Variants in ZNF222 observed in about 807,000 individuals in gnomAD.
ZNF222 encodes zinc finger protein 222.
A neutral mutation model predicts 11.6 loss-of-function variants in ZNF222; 8 were observed. The ratio of observed to expected loss-of-function variants is 0.69; its 90% CI spans 0.41 to 1.25. ZNF222 has a LOEUF of 1.25. ZNF222 is among the 50% of genes most tolerant of loss of function. ZNF222 has a pLI of 0.01. For synonymous variants in ZNF222, 171 were observed against 195.6 expected (o/e 0.87, Z 1.05); for missense variants, 483 against 576.1 (o/e 0.84, Z 1.65).
rs764447850 is a variant in ZNF222 at position 44,032,339 on chromosome 19, T to G, written c.785T>G (p.Leu262Ter). Residue 262 changes from leucine (L) to a stop codon, truncating the protein, a stop_gained, in exon 4 of 4, where the codon TTA becomes TGA. Coordinates refer to ENST00000391960, the MANE Select transcript of ZNF222 (RefSeq NM_001129996.2). LOFTEE classifies it low-confidence loss of function (END_TRUNC). Reference protein sequence around the residue: ...CRSALKVHCKLHMREKPYNCE... With the variant: ...CRSALKVHCK ...TCAGCACTTAAAGTTCATTGCAAAT[T>G]ACACATGAGAGAGAAACCTTATAAT... The G allele has an allele frequency of 6.2e-7, 1 of 1,614,066 alleles. No homozygotes were observed. Among genetic ancestry groups the G allele is most frequent in the Non-Finnish European group, 8.5e-7 (1 of 1,180,010 alleles).
intron 3 of ZNF222, 42 bp from the exon 4 acceptor site, chr19:44,031,775 C>T: frequency 6.3e-7 from 1 of 1,585,938 alleles, no homozygotes; most frequent in Non-Finnish European, 8.6e-7. Flanking sequence ...GCCACCGTGC[C>T]TGGCCTACTT....
Position 44,032,268 on chromosome 19 carries a change from G to T in ZNF222, c.714G>T (p.Glu238Asp). 1 of 1,613,930 alleles carries T rather than the reference G, an allele frequency of 6.2e-7. No individual in the cohort carries two copies. The highest frequency in any genetic ancestry group is 8.5e-7 in the Non-Finnish European group (1 of 1,179,972). ...CTCATCAAAGAGTCCACACTGGAGA[G>T]AAACCATTCAAATGTGAGCAGTGTG... ...LQTHQRVHTG[E>D]KPFKCEQCGK... The change falls in exon 4 of 4, where the codon GAG (glutamate) becomes GAT (aspartate). Residue 238 changes from glutamate to aspartate, a missense_variant. Coordinates refer to ENST00000391960, the MANE Select transcript of ZNF222 (RefSeq NM_001129996.2).
intron 1 of ZNF222, among the ~76,000 whole-genome samples, chr19:44,026,760 A>G (rs188144446): frequency 3.4e-4 from 52 of 152,216 alleles, no homozygotes; most frequent in Admixed American, 2.4e-3. Context: ...GGAGTTAGAG[A>G]TAGCATCTCA....
intron 3 of ZNF222, among the ~76,000 whole-genome samples, chr19:44,029,943 T>G (rs908549247): frequency 6.6e-6 from 1 of 151,548 alleles, no homozygotes; most frequent in Admixed American, 6.6e-5. Context: ...TAGTAAGCAA[T>G]TCATGTAATG....
rs1217916822 is a variant in ZNF222, at chr19:44,027,452, G to A, written c.224G>A (p.Trp75Ter). 32 of 1,613,944 alleles carry A rather than the reference G, an allele frequency of 2.0e-5. No individual in the cohort carries two copies. The highest frequency in any genetic ancestry group is 2.7e-5 in the Non-Finnish European group (32 of 1,179,992). Residue 75 changes from tryptophan to a stop codon, truncating the protein, a stop_gained, in exon 3 of 4, where the codon TGG becomes TAG. Coordinates refer to ENST00000391960, the MANE Select transcript of ZNF222 (RefSeq NM_001129996.2). LOFTEE classifies it low-confidence loss of function (END_TRUNC). ...TFHFLREEKF[W>*]VMGTTSQREG... is the part of the protein sequence containing the mutation. Reference sequence around the variant, plus strand: ...CACTTCCTAAGGGAAGAAAAGTTTTGGGTGATGGGGACAACAAGCCAAAGA... The same window carrying A: ...CACTTCCTAAGGGAAGAAAAGTTTTAGGTGATGGGGACAACAAGCCAAAGA...
intron 3 of ZNF222, among the ~76,000 whole-genome samples, chr19:44,029,504 A>G (rs1408408598): frequency 6.6e-6 from 1 of 152,188 alleles, no homozygotes; most frequent in Non-Finnish European, 1.5e-5. Context: ...TTTAATTGTC[A>G]AAAATGTGAA....
chr19:44,028,635 A>G (rs576840462), intron 3 of ZNF222, among the ~76,000 whole-genome samples: 1 of 152,224 alleles, frequency 6.6e-6, no homozygotes, highest in African/African-American at 2.4e-5. Flanking sequence ...TTGCAATGTA[A>G]TCTCTTGAAG....
intron 3 of ZNF222, among the ~76,000 whole-genome samples, chr19:44,029,851 G>A (rs1350168392): frequency 6.6e-6 from 1 of 152,212 alleles, no homozygotes; most frequent in African/African-American, 2.4e-5. Flanking sequence ...CATTTTGTGA[G>A]CATTAGCCAT....
At chr19:44,031,617 G>GGATT (rs1976501377) in intron 3 of ZNF222, among the ~76,000 whole-genome samples, 200 bp from the exon 4 acceptor site, 1 of 151,984 alleles carries the variant, frequency 6.6e-6, no homozygotes. Context: ...TGAGTAGTTG[G>GGATT]GATTACAGGT....
chr19:44,032,361 T>A lies in ZNF222; in HGVS notation c.807T>A (p.Tyr269Ter). ...HCKLHMREKP[Y>*]NCEKCGKAFM... ...AATTACACATGAGAGAGAAACCTTA[T>A]AATTGTGAGAAATGTGGGAAGGCTT... is the stretch of plus-strand genomic sequence containing the variant. Residue 269 changes from tyrosine (Y) to a stop codon, truncating the protein, a stop_gained, in exon 4 of 4, where the codon TAT becomes TAA. Coordinates refer to ENST00000391960, the MANE Select transcript of ZNF222 (RefSeq NM_001129996.2). LOFTEE classifies it low-confidence loss of function (END_TRUNC). 2 of 1,614,218 alleles carry A rather than the reference T, an allele frequency of 1.2e-6. No individual in the cohort carries two copies. Among genetic ancestry groups the A allele is most frequent in the Non-Finnish European group, 1.7e-6 (2 of 1,180,032 alleles).
rs1491128087 is a variant in ZNF222 at position 44,026,556 on chromosome 19, A to ATATAT, written c.43-466_43-465insATATT. ...TCTCTCTCTCTCTATATATATATAT[A>ATATAT]TTTTTTTTTTTACAGAGTTTCGCTC... On this transcript the variant is annotated intron_variant, in intron 1 of 3. Transcript: ENST00000391960. Among the ~76,000 whole-genome samples, 1,009 of 101,850 alleles carry ATATAT rather than the reference A, an allele frequency of 9.9e-3. 10 individuals carry two copies. The highest frequency in any genetic ancestry group is 0.034 in the African/African-American group (967 of 28,668). 66.8% of individuals were successfully genotyped at this position (101,850 alleles called of 152,430 possible).
rs1037975269 is a variant in ZNF222, at chr19:44,025,803, G to T, written c.42+325G>T. On this transcript the variant is annotated intron_variant, in intron 1 of 3. Coordinates refer to ENST00000391960, the MANE Select transcript of ZNF222 (RefSeq NM_001129996.2). The surrounding 1 kb of genome is among the most constrained non-coding windows in gnomAD (Gnocchi z 4.6). ...GCCTTAAAAGCAGTCCCTGTCACTC[G>T]GTGTCTGGTGGTCTCTTGTTAATTT... 1.3e-5 allele frequency among the ~76,000 whole-genome samples: 2 copies of T among 152,170 alleles called. No individual in the cohort carries two copies. Among genetic ancestry groups the T allele is most frequent in the Non-Finnish European group, 2.9e-5 (2 of 68,032 alleles).
At chr19:44,028,754 A>G (rs1303743455) in intron 3 of ZNF222, among the ~76,000 whole-genome samples, 2 of 152,222 alleles carry the variant, frequency 1.3e-5, no homozygotes, top group Non-Finnish European at 2.9e-5. Context: ...AATGGATGAG[A>G]GGACTTGACT....
chr19:44,033,072 T>A lies in ZNF222; in HGVS notation c.*42T>A. The A allele has an allele frequency of 7.0e-7, 1 of 1,423,066 alleles. No individual in the cohort carries two copies. The highest frequency in any genetic ancestry group is 9.3e-7 in the Non-Finnish European group (1 of 1,076,436). 88.2% of individuals were successfully genotyped at this position (1,423,066 alleles called of 1,614,324 possible). Reference sequence around the variant, plus strand: ...GAGTGTGAAATTTGATACATGTATATAATGTGTGCTGATTAAATCAGTTTA... The same window carrying A: ...GAGTGTGAAATTTGATACATGTATAAAATGTGTGCTGATTAAATCAGTTTA... On this transcript the variant is annotated 3_prime_UTR_variant, in exon 4 of 4. Transcript: ENST00000391960.
chr19:44,026,148 G>C, intron 1 of ZNF222: 1 of 1,556,076 alleles, frequency 6.4e-7, no homozygotes. Context: ...GAGTGTGTAG[G>C]ATTTGTCCCT....
Position 44,032,886 on chromosome 19 carries a change from G to A in ZNF222, c.1332G>A (p.Lys444=). The A allele has an allele frequency of 6.2e-7, 1 of 1,613,928 alleles. No homozygotes were observed. Among genetic ancestry groups the A allele is most frequent in the Non-Finnish European group, 8.5e-7 (1 of 1,180,000 alleles). ...CATTGAAATGTGAAGACTGTGGAAA[G>A]AGGCTTGTATGCCGGTCATACTGTA... The part of the protein sequence containing the change: ...RKPLKCEDCG[K]RLVCRSYCKD... The change falls in exon 4 of 4, where the codon AAG becomes AAA. Residue 444 remains lysine, a synonymous_variant. Coordinates refer to ENST00000391960, the MANE Select transcript of ZNF222 (RefSeq NM_001129996.2).
intron 3 of ZNF222, among the ~76,000 whole-genome samples, chr19:44,029,252 A>G (rs1482170458): frequency 4.1e-5 from 3 of 73,742 alleles, no homozygotes; most frequent in Middle Eastern, 0.014. Flanking sequence ...TGACTTTCTT[A>G]GGTTCTCTTG....
chr19:44,027,273 G>A, intron 2 of ZNF222, 124 bp downstream of exon 2: 1 of 1,578,328 alleles, frequency 6.3e-7, no homozygotes. Flanking sequence ...CTGGCTATTA[G>A]GTTGGTGCAA....
chr19:44,025,654 A>C lies in ZNF222; in HGVS notation c.42+176A>C, dbSNP rs1240421367. 1.3e-5 allele frequency among the ~76,000 whole-genome samples: 2 copies of C among 151,828 alleles called. No individual in the cohort carries two copies. Among genetic ancestry groups the C allele is most frequent in the Admixed American group, 6.6e-5 (1 of 15,248 alleles). On this transcript the variant is annotated intron_variant, in intron 1 of 3. Coordinates refer to ENST00000391960, the MANE Select transcript of ZNF222 (RefSeq NM_001129996.2). This position sits in a 1 kb window ranked among gnomAD's most constrained non-coding sequence, Gnocchi z 4.6. ...TGCAGCCCCTTTCAGTGTGGTGTGGAGTGTCACTTAATGTCCGTTTATCTT... is the reference window on the plus strand; with the variant it reads ...TGCAGCCCCTTTCAGTGTGGTGTGGCGTGTCACTTAATGTCCGTTTATCTT...
Sources: gnomAD v4.1 joint callset for allele counts (sites outside exome capture counted in the v4.1 genomes callset) on GRCh38, gnomAD v4.1.1 for gene constraint, Gnocchi (gnomAD v3.1) non-coding constraint, MANE v1.5 for transcripts, NCBI Gene and HGNC (gene_info 2026-07-23, HGNC 2026-07-21) for gene names.